The following SMARCC1 variants were observed in gnomAD, a reference collection of about 807,000 sequenced individuals.
SMARCC1 encodes the protein SWI/SNF complex subunit SMARCC1.
A neutral mutation model predicts 147.4 loss-of-function variants in SMARCC1; 43 were observed. The observed-to-expected ratio is 0.29, with a 90% CI of 0.23 to 0.38. The LOEUF is 0.38. Among genes scored for constraint, SMARCC1 ranks in the 10% least tolerant of loss-of-function variants. The pLI, the probability that SMARCC1 is intolerant of heterozygous loss-of-function variation, is 1.00. For synonymous variants in SMARCC1, 495 were observed against 484.4 expected (o/e 1.02, Z -0.29); for missense variants, 1,119 against 1,381.1 (o/e 0.81, Z 3.01).
chr3:47,619,576 G>T (rs1485474248), intron 25 of SMARCC1, among the ~76,000 whole-genome samples: 4 of 152,230 alleles, frequency 2.6e-5, no homozygotes, highest in Non-Finnish European at 5.9e-5. Flanking sequence ...GTGGCAAAGA[G>T]AGTAAGGCTG....
chr3:47,624,022 C>T (rs896278993), intron 24 of SMARCC1, among the ~76,000 whole-genome samples: 2 of 151,996 alleles, frequency 1.3e-5, no homozygotes, highest in Non-Finnish European at 2.9e-5. Flanking sequence ...GCCGTGGTGG[C>T]TCACGCCTGT....
chr3:47,627,401 A>G (rs1049204050), intron 24 of SMARCC1, among the ~76,000 whole-genome samples: 2 of 152,070 alleles, frequency 1.3e-5, no homozygotes, highest in African/African-American at 2.4e-5. Flanking sequence ...TTCTTTTTCT[A>G]TTTTATTGTG....
intron 3 of SMARCC1, among the ~76,000 whole-genome samples, chr3:47,740,178 CTTTTT>C (rs34523367): frequency 2.0e-4 from 7 of 35,714 alleles, no homozygotes; most frequent in South Asian, 1.8e-3. Flanking sequence ...GCCCGGCCAT[CTTTTT>C]TTTTTTTTTT....
chr3:47,628,449 C>T (rs947574116), intron 24 of SMARCC1, among the ~76,000 whole-genome samples: 3 of 152,164 alleles, frequency 2.0e-5, no homozygotes, highest in Admixed American at 1.3e-4. Context: ...GGGCTTTGTT[C>T]TCATAACATC....
rs1247817580 is a variant in SMARCC1 at position 47,728,055 on chromosome 3, G to A, written c.646+970C>T. 3.8e-5 allele frequency among the ~76,000 whole-genome samples: 5 copies of A among 132,050 alleles called. 1 individual carries two copies. The highest frequency in any genetic ancestry group is 4.5e-4 in the East Asian group (2 of 4,436). 86.6% of individuals were successfully genotyped at this position (132,050 alleles called of 152,430 possible). A position where few individuals can be genotyped will look rare whatever the true frequency, so the allele number is the denominator to read the frequency against. ...AATACAGGCACGTATCACCACACCCGGATTTAACCACCTTATTAGTCCCTT... is the reference window on the plus strand; with the variant it reads ...AATACAGGCACGTATCACCACACCCAGATTTAACCACCTTATTAGTCCCTT... On this transcript the variant is annotated intron_variant, in intron 6 of 27. Coordinates refer to ENST00000254480, the MANE Select transcript of SMARCC1 (RefSeq NM_003074.4).
intron 26 of SMARCC1, among the ~76,000 whole-genome samples, chr3:47,598,235 C>A (rs980412602): frequency 3.3e-5 from 5 of 152,100 alleles, no homozygotes; most frequent in African/African-American, 1.2e-4. Flanking sequence ...TGAAGGACAA[C>A]AGGAGATGAT....
At chr3:47,701,450 C>T in intron 10 of SMARCC1, 48 bp from the exon 11 acceptor site, 1 of 1,556,812 alleles carries the variant, frequency 6.4e-7, no homozygotes, top group Non-Finnish European at 8.8e-7. Flanking sequence ...ATTATAGCTA[C>T]TGATAGCAAA....
At chr3:47,677,754 G>A (rs2033592618) in intron 16 of SMARCC1, among the ~76,000 whole-genome samples, 1 of 151,102 alleles carries the variant, frequency 6.6e-6, no homozygotes, top group Admixed American at 6.6e-5. Flanking sequence ...TGTTGGCCAG[G>A]CTCGAACTCC....
chr3:47,670,216 TG>T (rs1416685256), intron 19 of SMARCC1: 3 of 157,438 alleles, frequency 1.9e-5, no homozygotes, highest in Non-Finnish European at 4.2e-5. Flanking sequence ...GCATGATGGC[TG>T]TTCTAAAGGA....
In SMARCC1 at chr3:47,706,440, T is replaced by C. The variant is rs147555056; in HGVS notation, c.1009A>G (p.Thr337Ala). 1,077 of 1,579,248 alleles carry C rather than the reference T, an allele frequency of 6.8e-4. 10 individuals are homozygous for C. In the South Asian group the frequency reaches 9.9e-3, roughly 15 times the overall value. The change falls in exon 10 of 28, where the codon ACA (threonine) becomes GCA (alanine). Residue 337 changes from threonine (T) to alanine (A), a missense_variant. This residue lies in a region of SMARCC1 where 542 missense variants were observed against 611.8 expected (regional missense o/e 0.89). Transcript: ENST00000254480. ...TTCCCACTCTTCTTCCGTGATTCTG[T>C]TGGTGTCGGAGGGGGAGGCGAAGGC... Reference protein sequence around the residue: ...HSPSPPPPTPTESRKKSGKKG... With the variant: ...HSPSPPPPTPAESRKKSGKKG...
At chr3:47,670,905 G>A (rs2033486999) in intron 18 of SMARCC1, among the ~76,000 whole-genome samples, 188 bp from the exon 19 acceptor site, 1 of 151,878 alleles carries the variant, frequency 6.6e-6, no homozygotes, top group Non-Finnish European at 1.5e-5. Flanking sequence ...TCAAAGACTG[G>A]CCAGGCGTGG....
At chr3:47,659,894 T>C (rs1236932499) in intron 21 of SMARCC1, among the ~76,000 whole-genome samples, 1 of 151,948 alleles carries the variant, frequency 6.6e-6, no homozygotes, top group Non-Finnish European at 1.5e-5. Context: ...GATTGGCTAT[T>C]ACAGGTAAAA....
At chr3:47,647,120 C>T (rs375516308) in intron 21 of SMARCC1, among the ~76,000 whole-genome samples, 7 of 152,128 alleles carry the variant, frequency 4.6e-5, no homozygotes, top group African/African-American at 7.2e-5. Context: ...ATGAAATGAT[C>T]GGTCAGACAG....
At chr3:47,619,947 G>GA (rs2032703192) in intron 25 of SMARCC1, among the ~76,000 whole-genome samples, 1 of 152,174 alleles carries the variant, frequency 6.6e-6, no homozygotes, top group African/African-American at 2.4e-5. Context: ...TGGCCACTAA[G>GA]AAACACTTTA....
chr3:47,774,724 A>G (rs1330823113), intron 1 of SMARCC1, among the ~76,000 whole-genome samples: 2 of 152,068 alleles, frequency 1.3e-5, no homozygotes, highest in East Asian at 3.8e-4. Context: ...TAAAAACTTT[A>G]AAAACTACAT....
chr3:47,641,385 T>C (rs898075012), intron 21 of SMARCC1, among the ~76,000 whole-genome samples: 1 of 152,110 alleles, frequency 6.6e-6, no homozygotes, highest in African/African-American at 2.4e-5. Context: ...CTCAGGAGGC[T>C]GAGGGAGCAG....
chr3:47,710,144 C>T (rs942167701), intron 9 of SMARCC1, among the ~76,000 whole-genome samples: 3 of 152,110 alleles, frequency 2.0e-5, no homozygotes, highest in African/African-American at 7.2e-5. Context: ...TGGAGAAACC[C>T]TGTCTCTACT....
Position 47,778,858 on chromosome 3 carries a change from C to T in SMARCC1, c.195+2745G>A, listed in dbSNP as rs529992905. Among the ~76,000 whole-genome samples the T allele has an allele frequency of 5.3e-5, 8 of 151,634 alleles. No homozygotes were observed. The South Asian group carries it at 1.5e-3, about 28-fold the overall frequency. On this transcript the variant is annotated intron_variant, in intron 1 of 27. Transcript: ENST00000254480. ...AAAAAATTAACCAGGTGTGGTGGTT[C>T]GTGCCTGTAGTCCCAGGTACTCAGG...
chr3:47,735,520 A>G (rs2034431131), intron 5 of SMARCC1, among the ~76,000 whole-genome samples: 1 of 152,120 alleles, frequency 6.6e-6, no homozygotes, highest in Admixed American at 6.6e-5. Flanking sequence ...CTGTAATCCC[A>G]GCACTTTGGG....
Sources: allele counts gnomAD v4.1 joint callset (sites outside exome capture counted in the v4.1 genomes callset), GRCh38; gene constraint gnomAD v4.1.1; regional missense constraint gnomAD v4.1.1; transcripts MANE v1.5; gene names NCBI Gene and HGNC (gene_info 2026-07-23, HGNC 2026-07-21).